YEATS2: variants seen among roughly 807,000 people sequenced by gnomAD.
The protein encoded by YEATS2 is YEATS domain-containing protein 2.
Under a neutral mutation model 163.2 loss-of-function variants are expected in YEATS2, and 77 were observed. The ratio of observed to expected loss-of-function variants is 0.47; its 90% confidence interval spans 0.39 to 0.57. The LOEUF is 0.57. Among genes scored for constraint, YEATS2 ranks in the 20% least tolerant of loss-of-function variants. YEATS2 has a pLI of 0.00. For missense variants in YEATS2, 1,549 were observed against 1,729.8 expected (o/e 0.90, Z 1.85); for synonymous variants, 631 against 645.1 (o/e 0.98, Z 0.33).
In YEATS2 at chr3:183,760,313, ATTT is replaced by A. The variant is rs11417378; in HGVS notation, c.1657-1171_1657-1169del. ...TTGAGAATTAAAGAGAAACTACAGAATTTTTTTTTTTTTTTTTTTTTTTTTGAG... is the reference window on the plus strand; with the variant it reads ...TTGAGAATTAAAGAGAAACTACAGAATTTTTTTTTTTTTTTTTTTTTTGAG... On this transcript the variant is annotated intron_variant, in intron 13 of 30. Transcript: ENST00000305135. 6.0e-4 allele frequency among the ~76,000 whole-genome samples: 66 copies of A among 110,304 alleles called. 2 individuals are homozygous for A. The highest frequency in any genetic ancestry group is 2.3e-3 in the East Asian group (8 of 3,538). The allele number at this position is 110,304 out of a possible 152,430, so 72.4% of individuals were successfully genotyped here. A position where few individuals can be genotyped will look rare whatever the true frequency, so the allele number is the denominator to read the frequency against.
chr3:183,805,091 T>G (rs1726051805), intron 27 of YEATS2, among the ~76,000 whole-genome samples: 1 of 148,940 alleles, frequency 6.7e-6, no homozygotes, highest in Non-Finnish European at 1.5e-5. Flanking sequence ...GCATTTTGAG[T>G]TTCACCTCAA....
intron 10 of YEATS2, 133 bp from the exon 11 acceptor site, chr3:183,753,993 T>C: frequency 9.0e-7 from 1 of 1,109,328 alleles, no homozygotes; most frequent in South Asian, 2.5e-5. Context: ...GATGATTGAT[T>C]GTATTTATTT....
At position 183,722,278 on chromosome 3, in the gene YEATS2, C is replaced by CTTTTTTTTTTTTTT. The variant is rs200048624; in HGVS notation, c.537+157_537+170dup. The CTTTTTTTTTTTTTT allele has an allele frequency of 1.0e-4, 29 of 289,376 alleles. 5 individuals are homozygous for CTTTTTTTTTTTTTT. In the African/African-American group the frequency reaches 1.2e-3, roughly 12 times the overall value. 17.9% of individuals were successfully genotyped at this position (289,376 alleles called of 1,614,324 possible). On this transcript the variant is annotated intron_variant, in intron 5 of 30. Coordinates refer to ENST00000305135, the MANE Select transcript of YEATS2 (RefSeq NM_018023.5). Reference sequence around the variant, plus strand: ...TCCTTTTATAATGGGGAAACCAAATCTTTTTTTTTTTTTTTTTTTTTTTTT... The same window carrying CTTTTTTTTTTTTTT: ...TCCTTTTATAATGGGGAAACCAAATCTTTTTTTTTTTTTTTTTTTTTTTTTTTTTTTTTTTTTTT...
In YEATS2 at chr3:183,786,173, T is replaced by G; in HGVS notation, c.2785T>G (p.Leu929Val). ...TCTAATGAAAATATCCGATAGCACC[T>G]TGAAGACTGTGCCAGCCACCTCACA... ...ASLMKISDST[L>V]KTVPATSQLS... is the part of the protein sequence containing the mutation. Residue 929 changes from leucine (L) to valine (V), a missense_variant, in exon 20 of 31, where the codon TTG becomes GTG. Transcript: ENST00000305135. The G allele has an allele frequency of 3.1e-6, 5 of 1,614,130 alleles. No homozygotes were observed. Among genetic ancestry groups the G allele is most frequent in the Non-Finnish European group, 4.2e-6 (5 of 1,180,014 alleles).
At chr3:183,733,125 C>G (rs377262313) in intron 7 of YEATS2, among the ~76,000 whole-genome samples, 4 of 152,360 alleles carry the variant, frequency 2.6e-5, no homozygotes, top group South Asian at 4.1e-4. Context: ...GCCTTGTACC[C>G]AGCCTCATTT....
chr3:183,732,623 A>G (rs907213388), intron 7 of YEATS2, among the ~76,000 whole-genome samples: 2 of 151,362 alleles, frequency 1.3e-5, no homozygotes, highest in Non-Finnish European at 2.9e-5. Context: ...GCAGTGGCGC[A>G]GTCTTGGCTC....
In YEATS2 at chr3:183,722,540, C is replaced by T. The variant is rs921088978; in HGVS notation, c.537+404C>T. On this transcript the variant is annotated intron_variant, in intron 5 of 30. Transcript: ENST00000305135. ...TCCTGACCTCGTGATCTTCCCGCCT[C>T]GGCCTCCCAAAGTGCTGGGATTATA... Among the ~76,000 whole-genome samples the T allele has an allele frequency of 3.9e-5, 6 of 152,136 alleles. No homozygotes were observed. The East Asian group carries it at 7.7e-4, about 20-fold the overall frequency.
chr3:183,763,457 T>C (rs1287771950), intron 15 of YEATS2, among the ~76,000 whole-genome samples: 3 of 152,220 alleles, frequency 2.0e-5, no homozygotes, highest in Admixed American at 6.5e-5. Flanking sequence ...GGTAGATGAC[T>C]ATGGTATCAA....
In YEATS2 at chr3:183,704,767, T is replaced by C. The variant is rs533826601; in HGVS notation, c.-20+6774T>C. Among the ~76,000 whole-genome samples the C allele has an allele frequency of 3.3e-5, 5 of 152,156 alleles. No individual in the cohort carries two copies. The South Asian group carries it at 6.2e-4, about 19-fold the overall frequency. ...CCTCAGCCTCCCAAGTAGCTGGGAT[T>C]ACAGGTATCCACAACTATGCCCAGC... On this transcript the variant is annotated intron_variant, in intron 1 of 30. Coordinates refer to ENST00000305135, the MANE Select transcript of YEATS2 (RefSeq NM_018023.5).
Position 183,715,208 on chromosome 3 carries a change from G to A in YEATS2, c.46G>A (p.Glu16Lys), listed in dbSNP as rs1182540007. The A allele has an allele frequency of 1.2e-6, 2 of 1,613,536 alleles. No individual in the cohort carries two copies. The highest frequency in any genetic ancestry group is 2.2e-5 in the East Asian group (1 of 44,864). ...CATCAAAGAAACCGACCCTGATTAC[G>A]AGGATGTATCTGTGGCCCTTCCAAA... ...RTIKETDPDY[E>K]DVSVALPNKR... Residue 16 changes from glutamate (E) to lysine (K), a missense_variant, in exon 2 of 31, where the codon GAG (glutamate) becomes AAG (lysine). Glu to Lys is a moderately conservative substitution (Grantham distance 56, BLOSUM62 1). Coordinates refer to ENST00000305135, the MANE Select transcript of YEATS2 (RefSeq NM_018023.5).
intron 19 of YEATS2, among the ~76,000 whole-genome samples, chr3:183,780,332 C>T (rs760574896): frequency 1.1e-4 from 16 of 152,216 alleles, no homozygotes; most frequent in Non-Finnish European, 1.3e-4. Context: ...CATCACCCTT[C>T]TGGTTGCCTC....
In YEATS2 at chr3:183,806,968, T is replaced by C; in HGVS notation, c.3887T>C (p.Ile1296Thr). 2 of 1,614,062 alleles carry C rather than the reference T, an allele frequency of 1.2e-6. No individual in the cohort carries two copies. Among genetic ancestry groups the C allele is most frequent in the Non-Finnish European group, 8.5e-7 (1 of 1,180,008 alleles). ...CCCGAGAATGAGGAGGAGGTGGACA[T>C]CCTCAGCCTCTCCGAGCCAGTGAAG... The part of the protein sequence containing the change: ...REPENEEEVD[I>T]LSLSEPVKIN... Residue 1296 changes from isoleucine (I) to threonine (T), a missense_variant, in exon 28 of 31, where the codon ATC becomes ACC. Coordinates refer to ENST00000305135, the MANE Select transcript of YEATS2 (RefSeq NM_018023.5).
chr3:183,806,222 G>A (rs1288065960), intron 27 of YEATS2: 1 of 448,838 alleles, frequency 2.2e-6, no homozygotes, highest in Non-Finnish European at 4.4e-6. Context: ...TCAGGATATA[G>A]CCCCAGCCAT....
At chr3:183,765,552 G>C (rs1301023148) in intron 15 of YEATS2, among the ~76,000 whole-genome samples, 1 of 152,216 alleles carries the variant, frequency 6.6e-6, no homozygotes, top group Non-Finnish European at 1.5e-5. Context: ...TGATACCACT[G>C]TTTACCCAGG....
At chr3:183,789,248 G>A (rs1724355801) in intron 20 of YEATS2, among the ~76,000 whole-genome samples, 1 of 152,092 alleles carries the variant, frequency 6.6e-6, no homozygotes. Context: ...TAGTAGTTTC[G>A]TAGTTTGATG....
intron 1 of YEATS2, among the ~76,000 whole-genome samples, chr3:183,712,814 G>A (rs1287084336): frequency 2.3e-4 from 35 of 151,474 alleles, no homozygotes; most frequent in Admixed American, 2.2e-3. Context: ...AGGCCGGAGT[G>A]CAGTGGTGTG....
chr3:183,718,156 A>G (rs769998817), intron 3 of YEATS2, among the ~76,000 whole-genome samples: 1 of 152,200 alleles, frequency 6.6e-6, no homozygotes, highest in Non-Finnish European at 1.5e-5. Flanking sequence ...CTCTATCAGA[A>G]TATCTTACGT....
intron 13 of YEATS2, among the ~76,000 whole-genome samples, chr3:183,759,826 C>T (rs1721159163): frequency 6.6e-6 from 1 of 152,206 alleles, no homozygotes; most frequent in Non-Finnish European, 1.5e-5. Flanking sequence ...GATGTTTTCC[C>T]CTTATGATGG....
In YEATS2 at chr3:183,812,079, C is replaced by G. The variant is rs1433922307; in HGVS notation, c.*1496C>G. ...TGAAACCCCGTCTCTACTAAAAATA[C>G]AGAAAATTAGCTGGGCATGGTGGTG... On this transcript the variant is annotated 3_prime_UTR_variant, in exon 31 of 31. Coordinates refer to ENST00000305135, the MANE Select transcript of YEATS2 (RefSeq NM_018023.5). The G allele has an allele frequency of 2.6e-5, 4 of 152,162 alleles. No homozygotes were observed. The highest frequency in any genetic ancestry group is 9.7e-5 in the African/African-American group (4 of 41,416). The allele number at this position is 152,162 out of a possible 1,614,324, so 9.4% of individuals were successfully genotyped here.
Sources: gnomAD v4.1 joint callset for allele counts (sites outside exome capture counted in the v4.1 genomes callset) on GRCh38, gnomAD v4.1.1 for gene constraint, MANE v1.5 for transcripts, NCBI Gene and HGNC (gene_info 2026-07-23, HGNC 2026-07-21) for gene names.